The following UNC79 variants were observed in gnomAD, a reference collection of about 807,000 sequenced individuals.
UNC79 encodes protein unc-79 homolog.
A neutral mutation model predicts 283.1 loss-of-function variants in UNC79; 37 were observed. That is an observed-to-expected ratio of 0.13 (90% CI 0.10 to 0.17). The LOEUF is 0.17. Among genes scored for constraint, UNC79 ranks in the 10% least tolerant of loss-of-function variants. UNC79 has a pLI of 1.00. For synonymous variants in UNC79, 1,107 were observed against 1,200.2 expected (o/e 0.92, Z 1.61); for missense variants, 2,272 against 3,211.1 (o/e 0.71, Z 7.07).
chr14:93,446,545 G>A (rs7151197), intron 1 of UNC79, among the ~76,000 whole-genome samples: 4,415 of 152,014 alleles, frequency 0.029, 233 homozygotes, highest in African/African-American at 0.1. Flanking sequence ...ACAGGCACCC[G>A]CCACCATGCT....
chr14:93,574,162 CA>C (rs1180484993), intron 16 of UNC79, among the ~76,000 whole-genome samples: 6 of 151,400 alleles, frequency 4.0e-5, no homozygotes, highest in African/African-American at 1.5e-4. Context: ...ACAGCCCTTA[CA>C]CTGTGCTCTT....
At position 93,616,392 on chromosome 14, in the gene UNC79, G is replaced by A. The variant is rs537971200; in HGVS notation, c.4042-730G>A. Among the ~76,000 whole-genome samples, 16 of 142,580 alleles carry A rather than the reference G, an allele frequency of 1.1e-4. No homozygotes were observed. The South Asian group carries it at 2.2e-3, about 20-fold the overall frequency. 93.5% of individuals were successfully genotyped at this position (142,580 alleles called of 152,430 possible). On this transcript the variant is annotated intron_variant, in intron 27 of 48. Transcript: ENST00000555664. Reference sequence around the variant, plus strand: ...TTTTTTTTTTTTTTTTTTTGAGACAGGGTCTCACTCTGGTAGCCCAGGCTG... The same window carrying A: ...TTTTTTTTTTTTTTTTTTTGAGACAAGGTCTCACTCTGGTAGCCCAGGCTG...
At chr14:93,582,772 C>T (rs2063910416) in intron 20 of UNC79, among the ~76,000 whole-genome samples, 1 of 152,110 alleles carries the variant, frequency 6.6e-6, no homozygotes, top group Non-Finnish European at 1.5e-5. Context: ...GACTGGGGAG[C>T]AGCCACTTTT....
At chr14:93,497,252 G>A (rs900465147) in exon 7 of UNC79, 3 of 1,613,170 alleles carry the variant, frequency 1.9e-6, no homozygotes, top group African/African-American at 2.7e-5. Context: ...AACCTCCTGG[G>A]GCAATAAGCG....
At chr14:93,562,237 T>C (rs1037018340) in intron 14 of UNC79, among the ~76,000 whole-genome samples, 1 of 152,174 alleles carries the variant, frequency 6.6e-6, no homozygotes, top group Admixed American at 6.5e-5. Context: ...ATCAAGGTTG[T>C]AGAATTTGAG....
chr14:93,401,272 C>G (rs958227000), intron 1 of UNC79, among the ~76,000 whole-genome samples: 1 of 152,092 alleles, frequency 6.6e-6, no homozygotes, highest in Admixed American at 6.6e-5. Flanking sequence ...AAGGGCAAAG[C>G]TTTGATAAAC....
chr14:93,447,372 A>C (rs2056490618), intron 1 of UNC79, among the ~76,000 whole-genome samples: 1 of 152,110 alleles, frequency 6.6e-6, no homozygotes. Flanking sequence ...ACCTTATTTA[A>C]AATATAGAAA....
chr14:93,622,033 T>C (rs757442353), exon 30 of UNC79: 3 of 1,614,040 alleles, frequency 1.9e-6, no homozygotes, highest in Non-Finnish European at 2.5e-6. Flanking sequence ...TAAAGCCTGC[T>C]CCTAAAGAGG....
At chr14:93,477,182 C>T (rs1368446758) in intron 3 of UNC79, among the ~76,000 whole-genome samples, 2 of 152,120 alleles carry the variant, frequency 1.3e-5, no homozygotes, top group African/African-American at 4.8e-5. Flanking sequence ...AGAAATAGCC[C>T]GGTTTTATTT....
At chr14:93,537,231 C>T (rs554612113) in intron 11 of UNC79, among the ~76,000 whole-genome samples, 22 of 152,334 alleles carry the variant, frequency 1.4e-4, no homozygotes, top group African/African-American at 4.6e-4. Context: ...CTCTGCCTCC[C>T]GCCAGGGCAG....
In UNC79 at chr14:93,520,400, T is replaced by C. The variant is rs113180991; in HGVS notation, c.899-3578T>C. 9.4e-3 allele frequency among the ~76,000 whole-genome samples: 1,428 copies of C among 152,036 alleles called. 24 individuals are homozygous for C. The highest frequency in any genetic ancestry group is 0.032 in the African/African-American group (1,343 of 41,544). ...TTTGGTGTTATTTTCTTTGCTTTTA[T>C]CTTGCCTAGGATTCATTGAGCTTCT... On this transcript the variant is annotated intron_variant, in intron 7 of 48. Transcript: ENST00000555664.
intron 32 of UNC79, among the ~76,000 whole-genome samples, chr14:93,638,949 C>T (rs1445286479): frequency 6.6e-6 from 1 of 152,154 alleles, no homozygotes; most frequent in African/African-American, 2.4e-5. Context: ...AATAACTGAA[C>T]CTGTCTGCTT....
chr14:93,659,476 T>C (rs572807265), intron 39 of UNC79, among the ~76,000 whole-genome samples: 13 of 152,324 alleles, frequency 8.5e-5, no homozygotes, highest in African/African-American at 2.9e-4. Context: ...CTGCTAACCC[T>C]GGGCCATGCC....
intron 22 of UNC79, among the ~76,000 whole-genome samples, chr14:93,588,480 C>T (rs2064374928): frequency 6.6e-6 from 1 of 152,078 alleles, no homozygotes; most frequent in African/African-American, 2.4e-5. Flanking sequence ...ATGGCTCATA[C>T]CTGTAATCCC....
intron 1 of UNC79, among the ~76,000 whole-genome samples, chr14:93,424,090 A>G (rs1166448550): frequency 6.6e-6 from 1 of 152,236 alleles, no homozygotes; most frequent in Non-Finnish European, 1.5e-5. Flanking sequence ...TGTCATACAA[A>G]TGGCAAACGG....
chr14:93,364,084 G>C (rs2054279409), intron 1 of UNC79, among the ~76,000 whole-genome samples: 1 of 152,036 alleles, frequency 6.6e-6, no homozygotes, highest in African/African-American at 2.4e-5. Context: ...TCTGAAATAA[G>C]AGACCCCTGC....
chr14:93,607,551 G>A (rs1566763016), intron 26 of UNC79, among the ~76,000 whole-genome samples: 1 of 152,192 alleles, frequency 6.6e-6, no homozygotes, highest in Non-Finnish European at 1.5e-5. Context: ...TGGGACGTGA[G>A]GACACCAGTC....
chr14:93,508,350 C>G (rs2059652984), intron 7 of UNC79, among the ~76,000 whole-genome samples: 1 of 152,108 alleles, frequency 6.6e-6, no homozygotes, highest in Non-Finnish European at 1.5e-5. Context: ...GAGACCCTAT[C>G]CCTGTTTATT....
chr14:93,554,999 C>T (rs531486927), intron 14 of UNC79, among the ~76,000 whole-genome samples: 1 of 152,266 alleles, frequency 6.6e-6, no homozygotes, highest in African/African-American at 2.4e-5. Flanking sequence ...CCAGGCCTTA[C>T]CTAGAATCTA....
Sources: gnomAD v4.1 joint callset for allele counts (sites outside exome capture counted in the v4.1 genomes callset) on GRCh38, gnomAD v4.1.1 for gene constraint, MANE v1.5 for transcripts, NCBI Gene and HGNC (gene_info 2026-07-23, HGNC 2026-07-21) for gene names.